Variants in MAD1L1 observed in about 807,000 individuals in gnomAD.
The protein encoded by MAD1L1 is mitotic arrest deficient 1 like 1, also known as mitotic spindle assembly checkpoint protein MAD1.
A neutral mutation model predicts 96.9 loss-of-function variants in MAD1L1; 95 were observed. That is an observed-to-expected ratio of 0.98 (90% confidence interval 0.83 to 1.16). MAD1L1 has a LOEUF of 1.16. Among genes scored for constraint, MAD1L1 ranks in the 50% most tolerant of loss-of-function variants. MAD1L1 has a pLI of 0.00. For synonymous variants in MAD1L1, 473 were observed against 396.6 expected (o/e 1.19, Z -2.29); for missense variants, 1,007 against 954.4 (o/e 1.06, Z -0.73).
intron 15 of MAD1L1, among the ~76,000 whole-genome samples, chr7:1,960,152 G>A (rs1175532308): frequency 6.6e-6 from 1 of 150,534 alleles, no homozygotes; most frequent in Non-Finnish European, 1.5e-5. Flanking sequence ...ATACCCTACA[G>A]CAAGCCCTAA....
intron 10 of MAD1L1, among the ~76,000 whole-genome samples, chr7:2,156,253 G>A (rs941341659): frequency 2.0e-5 from 3 of 150,534 alleles, no homozygotes; most frequent in Admixed American, 6.6e-5. Context: ...ATGGTTTCAC[G>A]GCGCGTGTGG....
At chr7:1,935,930 G>C (rs1778569081) in intron 17 of MAD1L1, among the ~76,000 whole-genome samples, 1 of 152,244 alleles carries the variant, frequency 6.6e-6, no homozygotes, top group Admixed American at 6.5e-5. Flanking sequence ...GGCTGGACAG[G>C]GAACCCTCCC....
At chr7:2,113,994 C>T (rs544088720) in intron 11 of MAD1L1, among the ~76,000 whole-genome samples, 162 of 152,252 alleles carry the variant, frequency 1.1e-3, no homozygotes, top group Non-Finnish European at 2.1e-3. Context: ...CAGATCCTGG[C>T]ACAGAAAAAG....
chr7:2,211,454 C>T (rs1317196894), intron 10 of MAD1L1, among the ~76,000 whole-genome samples: 2 of 152,368 alleles, frequency 1.3e-5, no homozygotes, highest in African/African-American at 4.8e-5. Context: ...ACACCCAGTG[C>T]TCCAGGGCAA....
At position 1,902,433 on chromosome 7, in the gene MAD1L1, G is replaced by A. The variant is rs551890992; in HGVS notation, c.1808-4043C>T. On this transcript the variant is annotated intron_variant, in intron 17 of 18. Coordinates refer to ENST00000265854, the MANE Select transcript of MAD1L1 (RefSeq NM_001013836.2). ...CCACGGGGATAGGGACAGAGATGCCGGGGCCCAGGCCTTTCAGAAGGAGGG... is the reference window on the plus strand; with the variant it reads ...CCACGGGGATAGGGACAGAGATGCCAGGGCCCAGGCCTTTCAGAAGGAGGG... Among the ~76,000 whole-genome samples, 19 of 152,316 alleles carry A rather than the reference G, an allele frequency of 1.2e-4. No individual in the cohort carries two copies. In the East Asian group the frequency reaches 2.7e-3, roughly 22 times the overall value.
In MAD1L1 at chr7:2,146,021, A is replaced by C. The variant is rs917696605; in HGVS notation, c.1073+3131T>G. ...CAGATCAGCAGAGAAGGAAAGTTAC[A>C]CAACACCCAGGAAGTGCATCAAGAC... On this transcript the variant is annotated intron_variant, in intron 11 of 18. Coordinates refer to ENST00000265854, the MANE Select transcript of MAD1L1 (RefSeq NM_001013836.2). The surrounding 1 kb of genome is among the most constrained non-coding windows in gnomAD (Gnocchi z 6.2). Among the ~76,000 whole-genome samples the C allele has an allele frequency of 3.3e-5, 5 of 152,326 alleles. No individual in the cohort carries two copies. The East Asian group carries it at 9.6e-4, about 29-fold the overall frequency.
chr7:1,889,019 C>T (rs965262355), intron 18 of MAD1L1, among the ~76,000 whole-genome samples: 4 of 152,226 alleles, frequency 2.6e-5, no homozygotes, highest in African/African-American at 9.6e-5. Context: ...GGCAGGGATC[C>T]ACTCAGCGCA....
chr7:2,101,329 T>A (rs955788679), intron 11 of MAD1L1, among the ~76,000 whole-genome samples: 171 of 142,068 alleles, frequency 1.2e-3, no homozygotes, highest in Non-Finnish European at 2.4e-3. Flanking sequence ...AGACTGGGGC[T>A]CCACTCCTAA....
intron 15 of MAD1L1, among the ~76,000 whole-genome samples, chr7:1,973,126 G>A (rs922063390): frequency 6.6e-6 from 1 of 152,192 alleles, no homozygotes; most frequent in African/African-American, 2.4e-5. Context: ...CTCTGCTCTC[G>A]GACAGGGTGT....
chr7:2,200,133 G>A (rs1245153309), intron 10 of MAD1L1: 1 of 152,410 alleles, frequency 6.6e-6, no homozygotes, highest in East Asian at 1.9e-4. Flanking sequence ...TGAAGAGCGG[G>A]ACCAAGGCCT....
Position 2,201,419 on chromosome 7 carries a change from T to C in MAD1L1, c.986+11793A>G, listed in dbSNP as rs1282047877. 2.6e-5 allele frequency among the ~76,000 whole-genome samples: 4 copies of C among 151,962 alleles called. No homozygotes were observed. The East Asian group carries it at 7.7e-4, about 29-fold the overall frequency. On this transcript the variant is annotated intron_variant, in intron 10 of 18. Transcript: ENST00000265854. ...GGGACGTGGACACCCTGGGAGCCCC[T>C]AGCCCACAAGGAGGGGACAGCACGC...
intron 12 of MAD1L1, among the ~76,000 whole-genome samples, chr7:2,050,390 C>T (rs550014280): frequency 5.5e-4 from 84 of 152,060 alleles, no homozygotes; most frequent in African/African-American, 1.9e-3. Context: ...CACACCCACA[C>T]GGGCAGACGG....
At chr7:1,976,834 A>G (rs1194301913) in intron 15 of MAD1L1, among the ~76,000 whole-genome samples, 1 of 152,138 alleles carries the variant, frequency 6.6e-6, no homozygotes, top group Non-Finnish European at 1.5e-5. Context: ...ACGAACCTTG[A>G]GCTAGACACA....
At chr7:1,918,073 C>G (rs1409607036) in intron 17 of MAD1L1, among the ~76,000 whole-genome samples, 1 of 152,190 alleles carries the variant, frequency 6.6e-6, no homozygotes, top group African/African-American at 2.4e-5. Flanking sequence ...CAGACCAGCA[C>G]CTCTGCCCAG....
intron 14 of MAD1L1, among the ~76,000 whole-genome samples, chr7:1,982,148 T>C (rs547231007): frequency 3.3e-5 from 5 of 152,210 alleles, no homozygotes; most frequent in Non-Finnish European, 5.9e-5. Context: ...AATGGTAAGA[T>C]GTCCTACACA....
In MAD1L1 at chr7:1,815,958, G is replaced by T; in HGVS notation, c.*112C>A. On this transcript the variant is annotated 3_prime_UTR_variant, in exon 19 of 19. Coordinates refer to ENST00000265854, the MANE Select transcript of MAD1L1 (RefSeq NM_001013836.2). ...CAGCGTGTCTGTCAGTCATGCTGCT[G>T]CCCTGTGGGGCTGGAGAGGCAGGAC... 3.2e-6 allele frequency: 4 copies of T among 1,265,626 alleles called. No individual in the cohort carries two copies. The South Asian group carries it at 4.5e-5, about 14-fold the overall frequency. The allele number at this position is 1,265,626 out of a possible 1,614,324, so 78.4% of individuals were successfully genotyped here. A position where few individuals can be genotyped will look rare whatever the true frequency, so the allele number is the denominator to read the frequency against.
intron 12 of MAD1L1, among the ~76,000 whole-genome samples, chr7:2,061,694 C>A (rs748481911): frequency 5.3e-5 from 8 of 152,252 alleles, no homozygotes; most frequent in Non-Finnish European, 1.0e-4. Context: ...GATCACCAAA[C>A]GTCATACACG....
chr7:1,913,254 A>C (rs566157166), intron 17 of MAD1L1, among the ~76,000 whole-genome samples: 7 of 151,452 alleles, frequency 4.6e-5, no homozygotes, highest in African/African-American at 1.7e-4. Flanking sequence ...GAGCAGCCAG[A>C]CACAGGGCTC....
chr7:2,007,487 G>T (rs563290488), intron 13 of MAD1L1, among the ~76,000 whole-genome samples: 28 of 141,340 alleles, frequency 2.0e-4, no homozygotes, highest in Non-Finnish European at 3.3e-4. Context: ...TTTGAGACCA[G>T]CCTGGCCAAC....
Sources: gnomAD v4.1 joint callset for allele counts (sites outside exome capture counted in the v4.1 genomes callset) on GRCh38, gnomAD v4.1.1 for gene constraint, Gnocchi (gnomAD v3.1) non-coding constraint, MANE v1.5 for transcripts, NCBI Gene and HGNC (gene_info 2026-07-23, HGNC 2026-07-21) for gene names.